Variants in PLXDC2 observed in about 807,000 individuals in gnomAD.
PLXDC2 encodes plexin domain-containing protein 2.
In PLXDC2, 40 loss-of-function variants were observed where a neutral mutation model predicts 68.9. The observed-to-expected ratio is 0.58, with a 90% CI of 0.45 to 0.76. PLXDC2 has a LOEUF of 0.76. Ranked by LOEUF, PLXDC2 falls within the 30% of genes least tolerant of loss-of-function variation. The pLI, the probability that PLXDC2 is intolerant of heterozygous loss-of-function variation, is 0.00. For missense variants in PLXDC2, 644 were observed against 661.9 expected (o/e 0.97, Z 0.30); for synonymous variants, 243 against 234.2 (o/e 1.04, Z -0.34).
At chr10:19,887,561 C>A (rs930657632) in intron 1 of PLXDC2, among the ~76,000 whole-genome samples, 2 of 151,848 alleles carry the variant, frequency 1.3e-5, no homozygotes, top group Non-Finnish European at 2.9e-5. Context: ...AAAAAAACCC[C>A]GAAGACTTGG....
chr10:20,163,263 A>G (rs1834330364), intron 6 of PLXDC2, among the ~76,000 whole-genome samples: 1 of 152,260 alleles, frequency 6.6e-6, no homozygotes, highest in East Asian at 1.9e-4. Context: ...GTCATCTTCT[A>G]TTTACTTGTT....
intron 9 of PLXDC2, among the ~76,000 whole-genome samples, chr10:20,192,785 A>G (rs561235461): frequency 1.3e-5 from 2 of 152,226 alleles, no homozygotes; most frequent in South Asian, 4.1e-4. Context: ...GTATGCAAAC[A>G]TACACCTAAG....
intron 4 of PLXDC2, among the ~76,000 whole-genome samples, chr10:20,104,582 G>A (rs1833464982): frequency 6.6e-6 from 1 of 152,154 alleles, no homozygotes; most frequent in African/African-American, 2.4e-5. Context: ...TAGGTTCCAT[G>A]TAGGTATCCA....
chr10:20,230,475 G>A (rs1189234137), intron 12 of PLXDC2, among the ~76,000 whole-genome samples: 1 of 151,900 alleles, frequency 6.6e-6, no homozygotes, highest in Non-Finnish European at 1.5e-5. Context: ...TTTGAGACCA[G>A]CCTGGGCACC....
chr10:20,106,027 A>G (rs1833486752), intron 4 of PLXDC2, among the ~76,000 whole-genome samples: 1 of 152,210 alleles, frequency 6.6e-6, no homozygotes, highest in Admixed American at 6.5e-5. Flanking sequence ...ATCAGACATT[A>G]AACTAAACAT....
intron 2 of PLXDC2, among the ~76,000 whole-genome samples, chr10:20,040,908 A>C (rs1490013133): frequency 6.6e-6 from 1 of 152,214 alleles, no homozygotes; most frequent in Non-Finnish European, 1.5e-5. Context: ...TACTATTTTT[A>C]AAACTTTATT....
chr10:19,969,055 C>A (rs1429369622), intron 1 of PLXDC2, among the ~76,000 whole-genome samples: 1 of 152,210 alleles, frequency 6.6e-6, no homozygotes, highest in Non-Finnish European at 1.5e-5. Context: ...TTTTAATATA[C>A]AATATACATG....
rs533765358 is a variant in PLXDC2 at position 20,195,212 on chromosome 10, A to C, written c.1062-16457A>C. On this transcript the variant is annotated intron_variant, in intron 9 of 13. Coordinates refer to ENST00000377252, the MANE Select transcript of PLXDC2 (RefSeq NM_032812.9). ...TGGTCCGGGCCTCACAGCCAAGTCT[A>C]TCTCTCCTCCATTGAAAGGGCTACC... Among the ~76,000 whole-genome samples the C allele has an allele frequency of 3.9e-5, 6 of 152,168 alleles. No homozygotes were observed. The East Asian group carries it at 1.2e-3, about 30-fold the overall frequency.
At chr10:19,884,307 C>T (rs946848679) in intron 1 of PLXDC2, among the ~76,000 whole-genome samples, 1 of 151,908 alleles carries the variant, frequency 6.6e-6, no homozygotes, top group Non-Finnish European at 1.5e-5. Flanking sequence ...AAAAAATTGC[C>T]CAAGAACTTC....
At chr10:20,239,835 A>C (rs1835491687) in intron 12 of PLXDC2, among the ~76,000 whole-genome samples, 1 of 152,220 alleles carries the variant, frequency 6.6e-6, no homozygotes, top group African/African-American at 2.4e-5. Context: ...ATACTCAAGC[A>C]GTCTTCCCTA....
chr10:20,238,675 A>ATATG (rs1158050812), intron 12 of PLXDC2, among the ~76,000 whole-genome samples: 9 of 128,758 alleles, frequency 7.0e-5, no homozygotes, highest in African/African-American at 2.9e-4. Flanking sequence ...ATATATATAT[A>ATATG]TGTATATATA....
intron 2 of PLXDC2, among the ~76,000 whole-genome samples, chr10:20,045,145 C>T (rs1236522507): frequency 6.6e-6 from 1 of 152,094 alleles, no homozygotes; most frequent in Non-Finnish European, 1.5e-5. Flanking sequence ...AATTTGTGTT[C>T]CATACCCAGA....
intron 1 of PLXDC2, among the ~76,000 whole-genome samples, chr10:19,934,856 C>G (rs1381023612): frequency 6.6e-6 from 1 of 152,040 alleles, no homozygotes; most frequent in Non-Finnish European, 1.5e-5. Context: ...TTTTGTGTTT[C>G]TTTCACTAAG....
intron 1 of PLXDC2, among the ~76,000 whole-genome samples, chr10:19,893,939 C>T (rs1838010525): frequency 6.6e-6 from 1 of 152,202 alleles, no homozygotes; most frequent in Admixed American, 6.5e-5. Flanking sequence ...AGGGGGTCAA[C>T]CATGCTAACA....
chr10:20,245,362 G>A lies in PLXDC2; in HGVS notation c.1330G>A (p.Ala444Thr). The change falls in exon 13 of 14, where the codon GCA becomes ACA. Residue 444 changes from alanine (A) to threonine (T), a missense_variant. Physicochemically the swap from Ala to Thr is moderately conservative, Grantham distance 58 (BLOSUM62 0). This residue lies in a region of PLXDC2 where 330 missense variants were observed against 327.9 expected (regional missense o/e 1.01). Coordinates refer to ENST00000377252, the MANE Select transcript of PLXDC2 (RefSeq NM_032812.9). ...KDNGASTDDS[A>T]AEKKGGTLHA... ...TCTTTCAGCTTCTACAGATGACAGT[G>A]CAGCTGAGAAGAAAGGGGGAACCCT... 1 of 1,612,958 alleles carries A rather than the reference G, an allele frequency of 6.2e-7. No homozygotes were observed. The highest frequency in any genetic ancestry group is 8.5e-7 in the Non-Finnish European group (1 of 1,179,408).
chr10:19,940,714 CT>C (rs1218943459), intron 1 of PLXDC2, among the ~76,000 whole-genome samples: 1 of 152,014 alleles, frequency 6.6e-6, no homozygotes, highest in African/African-American at 2.4e-5. Context: ...CATTTTGGTA[CT>C]TTTGATATTT....
chr10:19,973,123 C>T (rs1158848730), intron 1 of PLXDC2, among the ~76,000 whole-genome samples: 1 of 151,322 alleles, frequency 6.6e-6, no homozygotes, highest in East Asian at 1.9e-4. Flanking sequence ...TATATTTTTT[C>T]TTAATAAGCT....
At chr10:19,943,924 G>T (rs973636507) in intron 1 of PLXDC2, among the ~76,000 whole-genome samples, 2 of 152,112 alleles carry the variant, frequency 1.3e-5, no homozygotes, top group Admixed American at 1.3e-4. Flanking sequence ...AACATCACTT[G>T]CCATATTTGA....
In PLXDC2 at chr10:20,219,135, T is replaced by G. The variant is rs1467169160; in HGVS notation, c.1312+33T>G. 2.5e-6 allele frequency: 4 copies of G among 1,576,722 alleles called. No homozygotes were observed. The South Asian group carries it at 3.4e-5, about 13-fold the overall frequency. On this transcript the variant is annotated intron_variant, in intron 12 of 13. Transcript: ENST00000377252. ...TTGATACTTTTCTTTCATAAACATC[T>G]TTTAAATATGAATTCATTTCATTTA...
Sources: allele counts gnomAD v4.1 joint callset (sites outside exome capture counted in the v4.1 genomes callset), GRCh38; gene constraint gnomAD v4.1.1; regional missense constraint gnomAD v4.1.1; transcripts MANE v1.5; gene names NCBI Gene and HGNC (gene_info 2026-07-23, HGNC 2026-07-21).